CYB5R4: variants seen among roughly 807,000 people sequenced by gnomAD.
CYB5R4 encodes cytochrome b5 reductase 4.
In CYB5R4, 55 loss-of-function variants were observed where a neutral mutation model predicts 70.2. That is an observed-to-expected ratio of 0.78 (90% confidence interval 0.63 to 0.98). The LOEUF (loss-of-function observed/expected upper bound fraction) is 0.98, where lower values mean the gene tolerates loss of function less well. Ranked by LOEUF, CYB5R4 falls within the 50% of genes least tolerant of loss-of-function variation. The pLI is 0.00. For synonymous variants in CYB5R4, 197 were observed against 199.5 expected (o/e 0.99, Z 0.11); for missense variants, 562 against 612.6 (o/e 0.92, Z 0.87).
intron 9 of CYB5R4, among the ~76,000 whole-genome samples, chr6:83,923,894 T>C (rs1395709601): frequency 6.7e-6 from 1 of 149,782 alleles, no homozygotes; most frequent in Non-Finnish European, 1.5e-5. Flanking sequence ...TGAAACCCCA[T>C]CTCTACTAAA....
intron 15 of CYB5R4, 31 bp from the exon 16 acceptor site, chr6:83,959,793 A>G (rs750958970): frequency 6.4e-7 from 1 of 1,574,798 alleles, no homozygotes; most frequent in Non-Finnish European, 8.6e-7. Context: ...CATTTTCCCT[A>G]AGAAACATGT....
chr6:83,886,366 A>G (rs2129132623), intron 2 of CYB5R4, among the ~76,000 whole-genome samples: 1 of 152,352 alleles, frequency 6.6e-6, no homozygotes, highest in South Asian at 2.1e-4. Context: ...TTTAAACAAT[A>G]GCAAAGTGGA....
chr6:83,889,350 ACT>A (rs2099460752), intron 2 of CYB5R4, among the ~76,000 whole-genome samples: 1 of 151,968 alleles, frequency 6.6e-6, no homozygotes, highest in African/African-American at 2.4e-5. Flanking sequence ...TGACAGTCTG[ACT>A]CTCTTGTTAA....
intron 9 of CYB5R4, among the ~76,000 whole-genome samples, chr6:83,922,775 T>C (rs974640933): frequency 6.6e-6 from 1 of 152,134 alleles, no homozygotes; most frequent in Admixed American, 6.5e-5. Flanking sequence ...TTTTTTCCTA[T>C]TTTTTCTTCC....
At chr6:83,863,551 T>G (rs1022135861) in intron 1 of CYB5R4, among the ~76,000 whole-genome samples, 1 of 152,146 alleles carries the variant, frequency 6.6e-6, no homozygotes. Flanking sequence ...GAAATTTTGG[T>G]CCAAACTGGT....
In CYB5R4 at chr6:83,961,371, TCTC is replaced by T. The variant is rs961632592; in HGVS notation, c.*1497_*1499del. 3 of 151,810 alleles carry T rather than the reference TCTC, an allele frequency of 2.0e-5. No individual in the cohort carries two copies. Among genetic ancestry groups the T allele is most frequent in the Admixed American group, 1.3e-4 (2 of 15,224 alleles). 9.4% of individuals were successfully genotyped at this position (151,810 alleles called of 1,614,324 possible). A position where few individuals can be genotyped will look rare whatever the true frequency, so the allele number is the denominator to read the frequency against. On this transcript the variant is annotated 3_prime_UTR_variant, in exon 16 of 16. Transcript: ENST00000369681. ...ATTTGGCTCTGTGTCCTCACCCAAA[TCTC>T]CTCTCAAATTGTAATTCCCACATGT...
rs149836696 is a variant in CYB5R4, at chr6:83,914,374, A to T, written c.413-42A>T. 3.3e-6 allele frequency: 5 copies of T among 1,504,820 alleles called. No individual in the cohort carries two copies. The Admixed American group carries it at 1.0e-4, about 31-fold the overall frequency. The allele number at this position is 1,504,820 out of a possible 1,614,324, so 93.2% of individuals were successfully genotyped here. ...GTGGACTGACATTCTCATTGACATT[A>T]AAGTATTCTTATTTGACTTTTTTTT... On this transcript the variant is annotated intron_variant, in intron 4 of 15. Transcript: ENST00000369681.
intron 3 of CYB5R4, among the ~76,000 whole-genome samples, chr6:83,906,985 G>A (rs1393650129): frequency 2.0e-5 from 3 of 152,194 alleles, no homozygotes; most frequent in Admixed American, 6.5e-5. Flanking sequence ...TTTAAGTAGT[G>A]CTGTGATGAG....
chr6:83,898,589 C>T (rs891058020), intron 3 of CYB5R4, among the ~76,000 whole-genome samples: 8 of 152,178 alleles, frequency 5.3e-5, no homozygotes, highest in African/African-American at 1.7e-4. Flanking sequence ...ATTCTTCCTA[C>T]CCACGAGCAT....
chr6:83,923,645 A>G (rs2099466779), intron 9 of CYB5R4, among the ~76,000 whole-genome samples: 1 of 152,158 alleles, frequency 6.6e-6, no homozygotes, highest in Non-Finnish European at 1.5e-5. Flanking sequence ...ATTATTCAAT[A>G]AATAAAAAGG....
At chr6:83,908,977 GT>G (rs2099464264) in intron 3 of CYB5R4, 31 bp from the exon 4 acceptor site, 1 of 1,588,594 alleles carries the variant, frequency 6.3e-7, no homozygotes. Flanking sequence ...AGTTAGTCAT[GT>G]TGCTTTTCCA....
intron 2 of CYB5R4, among the ~76,000 whole-genome samples, chr6:83,886,527 A>C (rs1341450175): frequency 1.3e-5 from 2 of 152,348 alleles, no homozygotes; most frequent in East Asian, 3.9e-4. Context: ...GAAGTTAGTC[A>C]CAAAGACCAC....
intron 8 of CYB5R4, among the ~76,000 whole-genome samples, chr6:83,921,838 C>T (rs1329222498): frequency 2.6e-5 from 4 of 152,314 alleles, no homozygotes; most frequent in South Asian, 2.1e-4. Context: ...GTGAAATTTA[C>T]AGCAGACATT....
At chr6:83,946,574 A>C (rs895791958) in intron 14 of CYB5R4, among the ~76,000 whole-genome samples, 5 of 152,182 alleles carry the variant, frequency 3.3e-5, no homozygotes, top group Non-Finnish European at 7.3e-5. Context: ...TGGCCAGGGC[A>C]GTCAGGTAAG....
intron 2 of CYB5R4, among the ~76,000 whole-genome samples, chr6:83,879,000 G>T (rs1424032908): frequency 6.6e-6 from 1 of 152,076 alleles, no homozygotes; most frequent in Non-Finnish European, 1.5e-5. Context: ...TCTCCAAAAG[G>T]CAGTGCTGTT....
intron 4 of CYB5R4, among the ~76,000 whole-genome samples, chr6:83,911,735 C>T (rs937213494): frequency 1.3e-5 from 2 of 151,926 alleles, no homozygotes; most frequent in Non-Finnish European, 2.9e-5. Flanking sequence ...CTTTTACAGC[C>T]ACACGCAATC....
At chr6:83,949,045 T>C (rs966674527) in intron 14 of CYB5R4, among the ~76,000 whole-genome samples, 1 of 152,066 alleles carries the variant, frequency 6.6e-6, no homozygotes, top group Middle Eastern at 3.4e-3. Context: ...GACTTTGTTG[T>C]CCTTGCTTGA....
chr6:83,934,240 T>TA (rs2099468584), intron 10 of CYB5R4, among the ~76,000 whole-genome samples: 1 of 145,806 alleles, frequency 6.9e-6, no homozygotes, highest in African/African-American at 2.5e-5. Flanking sequence ...TAAAAAAAAA[T>TA]TAAAAAAAAA....
chr6:83,946,664 A>G (rs1292203859), intron 14 of CYB5R4, among the ~76,000 whole-genome samples: 1 of 152,234 alleles, frequency 6.6e-6, no homozygotes, highest in African/African-American at 2.4e-5. Flanking sequence ...TTGTATATTT[A>G]GAAAGCCCCA....
Sources: gnomAD v4.1 joint callset for allele counts (sites outside exome capture counted in the v4.1 genomes callset) on GRCh38, gnomAD v4.1.1 for gene constraint, MANE v1.5 for transcripts, NCBI Gene and HGNC (gene_info 2026-07-23, HGNC 2026-07-21) for gene names.